Variants in MIR2052HG observed in about 807,000 individuals in gnomAD.
MIR2052HG encodes MIR2052 host gene.
chr8:74,659,881 A>AAAGTTATT (rs1193238246), intron 2 of MIR2052HG, among the ~76,000 whole-genome samples: 1 of 152,228 alleles, frequency 6.6e-6, no homozygotes, highest in Non-Finnish European at 1.5e-5. Flanking sequence ...AGGACAGTCT[A>AAAGTTATT]AAGTTATTCA....
At chr8:74,706,076 G>A (rs1337559632) in intron 4 of MIR2052HG, among the ~76,000 whole-genome samples, 1 of 152,066 alleles carries the variant, frequency 6.6e-6, no homozygotes, top group East Asian at 1.9e-4. Context: ...GTTCAGCAAA[G>A]CAGTTCTGCT....
chr8:74,620,453 A>G (rs1036513702), intron 2 of MIR2052HG, among the ~76,000 whole-genome samples: 7 of 152,228 alleles, frequency 4.6e-5, no homozygotes, highest in African/African-American at 1.7e-4. Flanking sequence ...CCCCTGCAGG[A>G]AACTTCTGTC....
chr8:74,634,215 A>G (rs1270793498), intron 2 of MIR2052HG, among the ~76,000 whole-genome samples: 1 of 152,178 alleles, frequency 6.6e-6, no homozygotes, highest in East Asian at 1.9e-4. Flanking sequence ...GGCATTCAGG[A>G]AAGAGATTTC....
At chr8:74,669,058 ATTTCC>A (rs946198163) in intron 2 of MIR2052HG, among the ~76,000 whole-genome samples, 14 of 152,222 alleles carry the variant, frequency 9.2e-5, no homozygotes, top group African/African-American at 3.1e-4. Flanking sequence ...CTCCAACTTT[ATTTCC>A]TTGAACTTGA....
chr8:74,644,929 A>G lies in MIR2052HG; in HGVS notation n.216+31989A>G, dbSNP rs568287301. Among the ~76,000 whole-genome samples, 4 of 152,194 alleles carry G rather than the reference A, an allele frequency of 2.6e-5. No homozygotes were observed. The South Asian group carries it at 8.3e-4, about 32-fold the overall frequency. On this transcript the variant is annotated intron_variant and non_coding_transcript_variant, in intron 2 of 6. Coordinates refer to ENST00000523442, the Ensembl canonical transcript of MIR2052HG. ...AATAAAATAAAAAATAAAAAACAAA[A>G]GCAAACTAACAAACCAAAAGAAACC...
intron 2 of MIR2052HG, among the ~76,000 whole-genome samples, chr8:74,640,083 T>C (rs1275300981): frequency 6.6e-6 from 1 of 152,166 alleles, no homozygotes; most frequent in East Asian, 1.9e-4. Context: ...CTTTCACTTC[T>C]TTAATCCATA....
At chr8:74,749,798 G>A (rs1210494862) in intron 4 of MIR2052HG, among the ~76,000 whole-genome samples, 3 of 143,778 alleles carry the variant, frequency 2.1e-5, no homozygotes, top group Non-Finnish European at 4.5e-5. Flanking sequence ...GCAGTGAGCC[G>A]AGATCGTGCC....
At chr8:74,623,857 AT>A (rs1563515924) in intron 2 of MIR2052HG, among the ~76,000 whole-genome samples, 1 of 152,198 alleles carries the variant, frequency 6.6e-6, no homozygotes, top group Non-Finnish European at 1.5e-5. Flanking sequence ...TTGAACATTG[AT>A]TAGGCCAGTG....
intron 1 of MIR2052HG, chr8:74,610,115 A>G (rs1808171345): frequency 6.6e-6 from 1 of 151,202 alleles, no homozygotes; most frequent in African/African-American, 2.5e-5. Context: ...AGACAACATA[A>G]TCATCCAAAA....
intron 1 of MIR2052HG, chr8:74,612,685 G>T: frequency 3.0e-6 from 1 of 331,364 alleles, no homozygotes; most frequent in Non-Finnish European, 6.0e-6. Context: ...CCATTTGTCT[G>T]AATAACTAAA....
rs532956055 is a variant in MIR2052HG, at chr8:74,611,489, C to T, written n.129-1364C>T. On this transcript the variant is annotated intron_variant and non_coding_transcript_variant, in intron 1 of 6. Coordinates refer to ENST00000523442, the Ensembl canonical transcript of MIR2052HG. ...TTTAAAATGACCCTTCCTAAATGGC[C>T]ATGTGAATAGTATTTGTGAGCCTTT... Among the ~76,000 whole-genome samples, 352 of 152,142 alleles carry T rather than the reference C, an allele frequency of 2.3e-3. 2 individuals carry two copies. Among genetic ancestry groups the T allele is most frequent in the African/African-American group, 7.7e-3 (320 of 41,520 alleles).
chr8:74,757,781 G>A (rs2128757353), intron 5 of MIR2052HG: 1 of 152,150 alleles, frequency 6.6e-6, no homozygotes, highest in African/African-American at 2.4e-5. Flanking sequence ...CCTTGCTTGG[G>A]TGCAAGGTTA....
intron 2 of MIR2052HG, among the ~76,000 whole-genome samples, chr8:74,686,063 G>A (rs1213240671): frequency 2.6e-5 from 4 of 151,136 alleles, no homozygotes; most frequent in Admixed American, 6.6e-5. Context: ...AATGATTCTC[G>A]ACAGAAGTTT....
intron 4 of MIR2052HG, among the ~76,000 whole-genome samples, chr8:74,723,726 A>G (rs1809603012): frequency 6.6e-6 from 1 of 152,200 alleles, no homozygotes; most frequent in Non-Finnish European, 1.5e-5. Context: ...GTGCTCAGCC[A>G]TTTCAGGATA....
chr8:74,740,447 G>C (rs2128755676), intron 4 of MIR2052HG, among the ~76,000 whole-genome samples: 1 of 152,228 alleles, frequency 6.6e-6, no homozygotes, highest in East Asian at 1.9e-4. Flanking sequence ...CTGGGCAACA[G>C]AGTGAGACTT....
intron 2 of MIR2052HG, among the ~76,000 whole-genome samples, chr8:74,661,541 T>C (rs1387544928): frequency 6.6e-6 from 1 of 152,144 alleles, no homozygotes; most frequent in African/African-American, 2.4e-5. Flanking sequence ...AAAAAGAGAC[T>C]TCCAGGGCCA....
At chr8:74,625,795 A>G (rs1209582213) in intron 2 of MIR2052HG, among the ~76,000 whole-genome samples, 1 of 152,238 alleles carries the variant, frequency 6.6e-6, no homozygotes, top group South Asian at 2.1e-4. Flanking sequence ...AGATTCTTGC[A>G]ATAATATAAG....
intron 2 of MIR2052HG, among the ~76,000 whole-genome samples, chr8:74,651,186 T>G (rs1808747923): frequency 6.6e-6 from 1 of 151,876 alleles, no homozygotes; most frequent in Non-Finnish European, 1.5e-5. Flanking sequence ...AAGGCCACCA[T>G]AGCCGTTGGG....
At chr8:74,616,346 C>G in intron 2 of MIR2052HG, among the ~76,000 whole-genome samples, 1 of 150,092 alleles carries the variant, frequency 6.7e-6, no homozygotes, top group Non-Finnish European at 1.5e-5. Context: ...TTTTGATTTG[C>G]ATTTCTCTGA....
Sources: allele counts gnomAD v4.1 joint callset (sites outside exome capture counted in the v4.1 genomes callset), GRCh38; gene constraint gnomAD v4.1.1; transcripts MANE v1.5; gene names NCBI Gene and HGNC (gene_info 2026-07-23, HGNC 2026-07-21).